The following NCKAP5 variants were observed in gnomAD, a reference collection of about 807,000 sequenced individuals.
NCKAP5 encodes nck-associated protein 5.
Under a neutral mutation model 167.0 loss-of-function variants are expected in NCKAP5, and 92 were observed. The observed-to-expected ratio is 0.55, with a 90% CI of 0.47 to 0.66. The LOEUF (loss-of-function observed/expected upper bound fraction) is 0.66, where lower values mean the gene tolerates loss of function less well. Among genes scored for constraint, NCKAP5 ranks in the 30% least tolerant of loss-of-function variants. The probability of loss-of-function intolerance (pLI) is 0.00; values close to 1 mark genes in which losing one functional copy is unlikely to be tolerated. For missense variants in NCKAP5, 2,378 were observed against 2,315.0 expected, an observed-to-expected ratio of 1.03 and a Z score of -0.56; for synonymous variants, 891 against 877.4, an observed-to-expected ratio of 1.02 and a Z score of -0.27.
intron 4 of NCKAP5, among the ~76,000 whole-genome samples, chr2:133,247,594 T>G (rs2088064713): frequency 6.6e-6 from 1 of 152,192 alleles, no homozygotes. Flanking sequence ...GTATTTATTG[T>G]GGGACAACAT....
chr2:133,028,891 C>T (rs1573794520), intron 6 of NCKAP5, among the ~76,000 whole-genome samples: 1 of 152,036 alleles, frequency 6.6e-6, no homozygotes, highest in South Asian at 2.1e-4. Context: ...CTCATGAGAT[C>T]TGGTCCTTTA....
chr2:132,837,278 C>T (rs1313123219), intron 11 of NCKAP5, among the ~76,000 whole-genome samples: 1 of 152,108 alleles, frequency 6.6e-6, no homozygotes. Flanking sequence ...AACCTGAATG[C>T]TTCCTTGCTT....
chr2:133,262,421 G>A (rs141296748), intron 4 of NCKAP5, among the ~76,000 whole-genome samples: 10 of 152,244 alleles, frequency 6.6e-5, no homozygotes, highest in South Asian at 2.1e-4. Context: ...CTTCTCTCCC[G>A]TTCTCTAAGC....
chr2:133,230,613 A>C (rs1484526729), intron 4 of NCKAP5, among the ~76,000 whole-genome samples: 1 of 152,182 alleles, frequency 6.6e-6, no homozygotes, highest in African/African-American at 2.4e-5. Flanking sequence ...CAGTAATAAC[A>C]CATTTATTTA....
chr2:133,097,777 G>A (rs1239548953), intron 6 of NCKAP5, among the ~76,000 whole-genome samples: 2 of 152,166 alleles, frequency 1.3e-5, no homozygotes, highest in African/African-American at 2.4e-5. Flanking sequence ...AGCTGACTGG[G>A]AGAATGCTAC....
chr2:133,129,910 A>G (rs1307653303), intron 6 of NCKAP5, 68 bp downstream of exon 6: 6 of 1,469,862 alleles, frequency 4.1e-6, no homozygotes, highest in Admixed American at 5.5e-5. Flanking sequence ...TGGACATTCA[A>G]TCCAAGGTGT....
intron 16 of NCKAP5, among the ~76,000 whole-genome samples, chr2:132,764,952 A>C (rs1354595035): frequency 6.6e-6 from 1 of 152,210 alleles, no homozygotes; most frequent in Non-Finnish European, 1.5e-5. Context: ...AATATTCTTG[A>C]AATGAGACAG....
At chr2:132,921,710 A>G (rs889995272) in intron 8 of NCKAP5, among the ~76,000 whole-genome samples, 4 of 152,092 alleles carry the variant, frequency 2.6e-5, no homozygotes, top group Non-Finnish European at 5.9e-5. Flanking sequence ...TCAATTACCT[A>G]TCTTTGGGAA....
intron 5 of NCKAP5, among the ~76,000 whole-genome samples, chr2:133,177,189 C>T (rs866267423): frequency 5.1e-5 from 5 of 97,440 alleles, no homozygotes; most frequent in African/African-American, 1.3e-4. Flanking sequence ...TATATATATA[C>T]TCAAGAAACT....
chr2:133,470,979 G>A (rs759454730), intron 3 of NCKAP5, among the ~76,000 whole-genome samples: 89 of 152,334 alleles, frequency 5.8e-4, no homozygotes, highest in Non-Finnish European at 7.6e-4. Flanking sequence ...CTTCTGCATC[G>A]CTCACGCTGG....
intron 5 of NCKAP5, among the ~76,000 whole-genome samples, chr2:133,193,518 A>G (rs1457681407): frequency 6.6e-6 from 1 of 152,136 alleles, no homozygotes; most frequent in African/African-American, 2.4e-5. Context: ...AACTTTTGCA[A>G]GAAGACACTT....
intron 8 of NCKAP5, among the ~76,000 whole-genome samples, chr2:132,905,628 TACA>T (rs1451940292): frequency 1.3e-5 from 2 of 152,220 alleles, no homozygotes; most frequent in Admixed American, 6.5e-5. Context: ...CCTTATTTCT[TACA>T]ACGAGTGTTA....
chr2:133,639,394 A>G, the NCKAP5 span, among the ~76,000 whole-genome samples: 1 of 152,228 alleles, frequency 6.6e-6, no homozygotes, highest in East Asian at 1.9e-4. Context: ...AGAAAAAAGT[A>G]GCTTATAATG....
At chr2:132,887,046 G>A (rs187526074) in intron 8 of NCKAP5, among the ~76,000 whole-genome samples, 3 of 152,216 alleles carry the variant, frequency 2.0e-5, no homozygotes, top group Non-Finnish European at 2.9e-5. Flanking sequence ...CCTGGTGAAG[G>A]TGGTATCTGT....
the NCKAP5 span, among the ~76,000 whole-genome samples, chr2:133,623,022 A>ACAAAGAT: frequency 6.6e-6 from 1 of 152,214 alleles, no homozygotes; most frequent in Admixed American, 6.5e-5. Context: ...CTGATCTTTG[A>ACAAAGAT]CAAAGTAAAC....
chr2:133,032,461 A>G (rs1049200776), intron 6 of NCKAP5, among the ~76,000 whole-genome samples: 2 of 152,198 alleles, frequency 1.3e-5, no homozygotes, highest in East Asian at 3.9e-4. Context: ...AACACCAGGT[A>G]GACTTCTAAG....
At chr2:133,313,513 G>A (rs1267860262) in intron 3 of NCKAP5, among the ~76,000 whole-genome samples, 3 of 152,058 alleles carry the variant, frequency 2.0e-5, no homozygotes, top group Non-Finnish European at 4.4e-5. Flanking sequence ...CAGCAAAATA[G>A]TAACTATTGT....
chr2:132,801,001 G>T (rs1234268443), intron 11 of NCKAP5, among the ~76,000 whole-genome samples: 2 of 152,186 alleles, frequency 1.3e-5, no homozygotes, highest in East Asian at 3.9e-4. Flanking sequence ...ACAGTCAGGT[G>T]TGCCCACATG....
chr2:133,441,532 C>G (rs1036681567), intron 3 of NCKAP5, among the ~76,000 whole-genome samples: 3 of 152,170 alleles, frequency 2.0e-5, no homozygotes, highest in African/African-American at 4.8e-5. Flanking sequence ...CCAAGAAAGT[C>G]TAGGTACAAA....
Sources: allele counts gnomAD v4.1 joint callset (sites outside exome capture counted in the v4.1 genomes callset), GRCh38; gene constraint gnomAD v4.1.1; transcripts MANE v1.5; gene names NCBI Gene and HGNC (gene_info 2026-07-23, HGNC 2026-07-21).